The following IRX1 variants were observed in gnomAD, a reference collection of about 807,000 sequenced individuals.
IRX1 encodes the protein iroquois-class homeodomain protein IRX-1.
Under a neutral mutation model 34.1 loss-of-function variants are expected in IRX1, and 22 were observed. The observed-to-expected ratio is 0.64, with a 90% CI of 0.46 to 0.92. The LOEUF (loss-of-function observed/expected upper bound fraction) is 0.92. Ranked by LOEUF, IRX1 falls within the 40% of genes least tolerant of loss-of-function variation. The pLI is 0.00. For synonymous variants in IRX1, 363 were observed against 319.0 expected, an observed-to-expected ratio of 1.14 and a Z score of -1.47; for missense variants, 758 against 680.0, an observed-to-expected ratio of 1.11 and a Z score of -1.28.
At position 3,599,148 on chromosome 5, in the gene IRX1, A is replaced by ATG; in HGVS notation, c.277-75_277-74dup. On this transcript the variant is annotated intron_variant, in intron 1 of 3. Transcript: ENST00000302006. This position sits in a 1 kb window ranked among gnomAD's most constrained non-coding sequence, Gnocchi z 6.6. ...TCCCACTCTCCCGTCTTGGGGACTC[A>ATG]TGTCTCTCTCTCTCTCTCCCTTTCT... is the stretch of plus-strand genomic sequence containing the variant. 1 of 1,376,282 alleles carries ATG rather than the reference A, an allele frequency of 7.3e-7. No individual in the cohort carries two copies. The highest frequency in any genetic ancestry group is 9.9e-7 in the Non-Finnish European group (1 of 1,008,878). The allele number at this position is 1,376,282 out of a possible 1,614,324, so 85.3% of individuals were successfully genotyped here.
chr5:3,597,971 C>T (rs1341147497), intron 1 of IRX1, among the ~76,000 whole-genome samples: 1 of 152,192 alleles, frequency 6.6e-6, no homozygotes, highest in Non-Finnish European at 1.5e-5. Context: ...GACCTGCACC[C>T]TTTGTGGAGA....
chr5:3,601,104 G>T lies in IRX1; in HGVS notation c.*64G>T. 1 of 1,375,816 alleles carries T rather than the reference G, an allele frequency of 7.3e-7. No individual in the cohort carries two copies. The highest frequency in any genetic ancestry group is 1.0e-6 in the Non-Finnish European group (1 of 967,816). The allele number at this position is 1,375,816 out of a possible 1,614,324, so 85.2% of individuals were successfully genotyped here. A position where few individuals can be genotyped will look rare whatever the true frequency, so the allele number is the denominator to read the frequency against. On this transcript the variant is annotated 3_prime_UTR_variant, in exon 4 of 4. Transcript: ENST00000302006. ...AGGAGTTGGGGAGGGAGGGAATGTG[G>T]GAGGAATTAAGACAAATATTTCAGA... is the stretch of plus-strand genomic sequence containing the variant.
At position 3,599,241 on chromosome 5, in the gene IRX1, T is replaced by G; in HGVS notation, c.293T>G (p.Leu98Arg). ...TGGCTTCAGGGCTCGCAGTATGAAC[T>G]GAAGGACAACCCTGGGGTGCACCCC... ...LFSQMGSQYE[L>R]KDNPGVHPAT... The change falls in exon 2 of 4, where the codon CTG (leucine) becomes CGG (arginine). Residue 98 changes from leucine (L) to arginine (R), a missense_variant. By Grantham distance (102) the Leu-to-Arg change is moderately radical (BLOSUM62 -2). This residue lies in a region of IRX1 where 195 missense variants were observed against 195.0 expected (regional missense o/e 1.00). Transcript: ENST00000302006. This position sits in a 1 kb window ranked among gnomAD's most constrained non-coding sequence, Gnocchi z 6.6. 6.2e-7 allele frequency: 1 copy of G among 1,613,318 alleles called. No individual in the cohort carries two copies. Among genetic ancestry groups the G allele is most frequent in the Non-Finnish European group, 8.5e-7 (1 of 1,179,658 alleles).
In IRX1 at chr5:3,600,217, C is replaced by T. The variant is rs2111298954; in HGVS notation, c.1269C>T (p.Leu423=). ...CGGTCGCTATTGCCCCGGGGGCACTCAATGGAGACAAGGCCTCGGTCCGCA... is the reference window on the plus strand; with the variant it reads ...CGGTCGCTATTGCCCCGGGGGCACTTAATGGAGACAAGGCCTCGGTCCGCA... ...QPPVAIAPGA[L]NGDKASVRSS... The change falls in exon 2 of 4, where the codon CTC becomes CTT. Residue 423 remains leucine (L), a synonymous_variant. Transcript: ENST00000302006. The T allele has an allele frequency of 1.9e-6, 3 of 1,609,198 alleles. No homozygotes were observed. The highest frequency in any genetic ancestry group is 2.2e-5 in the East Asian group (1 of 44,786).
intron 1 of IRX1, among the ~76,000 whole-genome samples, chr5:3,598,448 C>G (rs1030866773): frequency 6.6e-6 from 1 of 152,098 alleles, no homozygotes; most frequent in Non-Finnish European, 1.5e-5. Flanking sequence ...GAACCGGTTC[C>G]CCTCCTGGCC....
chr5:3,597,730 A>G (rs953561963), intron 1 of IRX1, among the ~76,000 whole-genome samples: 4 of 152,246 alleles, frequency 2.6e-5, no homozygotes, highest in Non-Finnish European at 5.9e-5. Flanking sequence ...GGCAAAAACG[A>G]AATCTAGCCG....
In IRX1 at chr5:3,600,076, C is replaced by T. The variant is rs374546765; in HGVS notation, c.1128C>T (p.Asn376=). The T allele has an allele frequency of 8.1e-6, 13 of 1,612,126 alleles. No homozygotes were observed. Among genetic ancestry groups the T allele is most frequent in the East Asian group, 2.2e-5 (1 of 44,852 alleles). ...TCGGCAAGTTCTCCAACTGGACCAA[C>T]AGCGCATTCCTCGCACAGGGCTCCC... is the stretch of plus-strand genomic sequence containing the variant. ...CHIGKFSNWT[N]SAFLAQGSLL... is the part of the protein sequence containing the mutation. Residue 376 remains asparagine (N), a synonymous_variant, in exon 2 of 4, where the codon AAC becomes AAT. Transcript: ENST00000302006.
At position 3,601,165 on chromosome 5, in the gene IRX1, G is replaced by A; in HGVS notation, c.*125G>A. ...GGACAAATATGACAACGACGTCAAG[G>A]ACTCGCATCCGTCGCTTTCTGCAGA... is the stretch of plus-strand genomic sequence containing the variant. On this transcript the variant is annotated 3_prime_UTR_variant, in exon 4 of 4. Coordinates refer to ENST00000302006, the MANE Select transcript of IRX1 (RefSeq NM_024337.4). The A allele has an allele frequency of 5.4e-6, 5 of 921,102 alleles. No homozygotes were observed. The highest frequency in any genetic ancestry group is 8.5e-6 in the Non-Finnish European group (5 of 584,966). 57.1% of individuals were successfully genotyped at this position (921,102 alleles called of 1,614,324 possible). A position where few individuals can be genotyped will look rare whatever the true frequency, so the allele number is the denominator to read the frequency against.
chr5:3,600,318 G>A, intron 2 of IRX1, 58 bp downstream of exon 2: 2 of 1,445,780 alleles, frequency 1.4e-6, no homozygotes, highest in Admixed American at 4.7e-5. Flanking sequence ...GGCCTGGCTA[G>A]GTGTGGTAGC....
rs1304410699 is a variant in IRX1, at chr5:3,600,657, C to G, written c.1361C>G (p.Ser454Trp). Residue 454 changes from serine (S) to tryptophan (W), a missense_variant, in exon 3 of 4, where the codon TCG becomes TGG. By Grantham distance (177) the Ser-to-Trp change is radical. This residue lies in a region of IRX1 where 529 missense variants were observed against 418.8 expected (regional missense o/e 1.26). Coordinates refer to ENST00000302006, the MANE Select transcript of IRX1 (RefSeq NM_024337.4). ...RPDSPAQQLK[S>W]PFQPVRDNSL... ...GATTCGCCGGCACAGCAGTTAAAGT[C>G]GCCCTTCCAGCCGGTACGCGACAAG... 1 of 1,613,776 alleles carries G rather than the reference C, an allele frequency of 6.2e-7. No individual in the cohort carries two copies. The highest frequency in any genetic ancestry group is 8.5e-7 in the Non-Finnish European group (1 of 1,179,970).
intron 3 of IRX1, 68 bp downstream of exon 3, chr5:3,600,749 C>T: frequency 6.9e-7 from 1 of 1,441,364 alleles, no homozygotes; most frequent in Non-Finnish European, 9.7e-7. Flanking sequence ...GGTCGGGACC[C>T]GGGCGGAGCT....
At position 3,601,316 on chromosome 5, in the gene IRX1, T is replaced by C. The variant is rs1733964645; in HGVS notation, c.*276T>C. ...TTGTGTCTCTTTCCCCCCTTTTCTG[T>C]ATATAGAGTGGTTTCAGATTGTAAA... On this transcript the variant is annotated 3_prime_UTR_variant, in exon 4 of 4. Coordinates refer to ENST00000302006, the MANE Select transcript of IRX1 (RefSeq NM_024337.4). The C allele has an allele frequency of 2.0e-6, 1 of 508,802 alleles. No individual in the cohort carries two copies. The highest frequency in any genetic ancestry group is 2.2e-5 in the South Asian group (1 of 44,552). 31.5% of individuals were successfully genotyped at this position (508,802 alleles called of 1,614,324 possible). A position where few individuals can be genotyped will look rare whatever the true frequency, so the allele number is the denominator to read the frequency against.
rs767014057 is a variant in IRX1 at position 3,600,128 on chromosome 5, G to T, written c.1180G>T (p.Val394Phe). The T allele has an allele frequency of 1.2e-6, 2 of 1,613,308 alleles. No individual in the cohort carries two copies. Among genetic ancestry groups the T allele is most frequent in the South Asian group, 2.2e-5 (2 of 91,074 alleles). Residue 394 changes from valine (V) to phenylalanine (F), a missense_variant, in exon 2 of 4, where the codon GTT becomes TTT. Transcript: ENST00000302006. Reference protein sequence around the residue: ...SLLNMRSFLGVGAPHAAPHGP... With the variant: ...SLLNMRSFLGFGAPHAAPHGP... ...GCTCAACATGCGCTCCTTCCTGGGCGTTGGCGCTCCCCACGCCGCGCCCCA... is the reference window on the plus strand; with the variant it reads ...GCTCAACATGCGCTCCTTCCTGGGCTTTGGCGCTCCCCACGCCGCGCCCCA...
chr5:3,601,170 G>T lies in IRX1; in HGVS notation c.*130G>T, dbSNP rs1422837322. 2.6e-5 allele frequency: 23 copies of T among 876,136 alleles called. No homozygotes were observed. The highest frequency in any genetic ancestry group is 4.0e-5 in the Non-Finnish European group (22 of 550,388). The allele number at this position is 876,136 out of a possible 1,614,324, so 54.3% of individuals were successfully genotyped here. A position where few individuals can be genotyped will look rare whatever the true frequency, so the allele number is the denominator to read the frequency against. ...AATATGACAACGACGTCAAGGACTCGCATCCGTCGCTTTCTGCAGAAAGGG... is the reference window on the plus strand; with the variant it reads ...AATATGACAACGACGTCAAGGACTCTCATCCGTCGCTTTCTGCAGAAAGGG... On this transcript the variant is annotated 3_prime_UTR_variant, in exon 4 of 4. Coordinates refer to ENST00000302006, the MANE Select transcript of IRX1 (RefSeq NM_024337.4).
At chr5:3,600,841 A>G (rs1341728391) in intron 3 of IRX1, 142 bp from the exon 4 acceptor site, 2 of 1,149,536 alleles carry the variant, frequency 1.7e-6, no homozygotes. Context: ...AGCCGAGGAG[A>G]CTGGAGTTTC....
At position 3,596,012 on chromosome 5, in the gene IRX1, C is replaced by G; in HGVS notation, c.-94C>G. The stretch of plus-strand genomic sequence containing the variant: ...GCCGCCCGCTCCTCCCTAGACCCCT[C>G]GCGGCGCCCCCTGCAACCCCCTCCG... On this transcript the variant is annotated 5_prime_UTR_variant, in exon 1 of 4. Coordinates refer to ENST00000302006, the MANE Select transcript of IRX1 (RefSeq NM_024337.4). 1 of 823,630 alleles carries G rather than the reference C, an allele frequency of 1.2e-6. No individual in the cohort carries two copies. Among genetic ancestry groups the G allele is most frequent in the Non-Finnish European group, 1.5e-6 (1 of 680,774 alleles). 51.0% of individuals were successfully genotyped at this position (823,630 alleles called of 1,614,324 possible). A position where few individuals can be genotyped will look rare whatever the true frequency, so the allele number is the denominator to read the frequency against.
At chr5:3,596,985 C>A (rs1334597125) in intron 1 of IRX1, among the ~76,000 whole-genome samples, 1 of 152,086 alleles carries the variant, frequency 6.6e-6, no homozygotes, top group Non-Finnish European at 1.5e-5. Flanking sequence ...GGCGTGAGTG[C>A]GAATTTGAGA....
At chr5:3,600,939 T>C in intron 3 of IRX1, 44 bp from the exon 4 acceptor site, 1 of 1,597,018 alleles carries the variant, frequency 6.3e-7, no homozygotes, top group South Asian at 1.1e-5. Context: ...CGTCCCCCAC[T>C]CACAGTGCCC....
chr5:3,599,768 G>A lies in IRX1; in HGVS notation c.820G>A (p.Val274Ile), dbSNP rs755172641. 4.4e-6 allele frequency: 7 copies of A among 1,608,992 alleles called. No individual in the cohort carries two copies. Among genetic ancestry groups the A allele is most frequent in the Non-Finnish European group, 5.9e-6 (7 of 1,178,652 alleles). The part of the protein sequence containing the change: ...DQGSPLAAAD[V>I]LKPQDSPLGL... The stretch of plus-strand genomic sequence containing the variant: ...AGGCTCGCCGCTGGCAGCAGCCGAC[G>A]TTCTCAAGCCCCAGGACTCGCCCTT... The change falls in exon 2 of 4, where the codon GTT becomes ATT. Residue 274 changes from valine (V) to isoleucine (I), a missense_variant. Physicochemically the swap from Val to Ile is conservative, Grantham distance 29. Coordinates refer to ENST00000302006, the MANE Select transcript of IRX1 (RefSeq NM_024337.4). The surrounding 1 kb of genome is among the most constrained non-coding windows in gnomAD (Gnocchi z 6.6).
Sources: allele counts gnomAD v4.1 joint callset (sites outside exome capture counted in the v4.1 genomes callset), GRCh38; gene constraint gnomAD v4.1.1; regional missense constraint gnomAD v4.1.1; non-coding constraint Gnocchi (gnomAD v3.1); transcripts MANE v1.5; gene names NCBI Gene and HGNC (gene_info 2026-07-23, HGNC 2026-07-21).